Variants in TTF2 observed in about 807,000 individuals in gnomAD.
The protein encoded by TTF2 is RNA polymerase II termination factor.
In TTF2, 108 loss-of-function variants were observed where a neutral mutation model predicts 142.4. The ratio of observed to expected loss-of-function variants is 0.76; its 90% CI spans 0.65 to 0.89. TTF2 has a LOEUF of 0.89. Ranked by LOEUF, TTF2 falls within the 40% of genes least tolerant of loss-of-function variation. The probability of loss-of-function intolerance (pLI) is 0.00; values close to 1 mark genes in which losing one functional copy is unlikely to be tolerated. For synonymous variants in TTF2, 483 were observed against 506.2 expected, an observed-to-expected ratio of 0.95 and a Z score of 0.61; for missense variants, 1,327 against 1,379.8, an observed-to-expected ratio of 0.96 and a Z score of 0.61.
In TTF2 at chr1:117,090,073, A is replaced by C. The variant is rs756131561; in HGVS notation, c.2361A>C (p.Pro787=). ...YSLLKFLRCS[P]FDEFNLWRSQ... ...AAAAAAGGTTTCTCCGTTGCTCTCC[A>C]TTTGATGAGTTCAATCTGTGGAGGA... Residue 787 remains proline, a synonymous_variant, in exon 14 of 23, where the codon CCA becomes CCC. Transcript: ENST00000369466. This position sits in a 1 kb window ranked among gnomAD's most constrained non-coding sequence, Gnocchi z 4.8. The C allele has an allele frequency of 2.5e-6, 4 of 1,613,772 alleles. No individual in the cohort carries two copies. The South Asian group carries it at 4.4e-5, about 18-fold the overall frequency.
chr1:117,083,923 T>A, intron 10 of TTF2, 95 bp from the exon 11 acceptor site: 1 of 1,447,260 alleles, frequency 6.9e-7, no homozygotes, highest in Non-Finnish European at 9.4e-7. Flanking sequence ...ACAGCCTGGG[T>A]AACACAGCAA....
At position 117,101,371 on chromosome 1, in the gene TTF2, G is replaced by GT. The variant is rs1557835551; in HGVS notation, c.3345-3dup. The stretch of plus-strand genomic sequence containing the variant: ...GATAGTTTGCTTATTTTTTGTTTTT[G>GT]TTTTTTAGATTTGTTTGTGAGGGAA... On this transcript the variant is annotated splice_polypyrimidine_tract_variant and intron_variant, in intron 22 of 22. Transcript: ENST00000369466. The surrounding 1 kb of genome is among the most constrained non-coding windows in gnomAD (Gnocchi z 5.9). 8.3e-6 allele frequency: 13 copies of GT among 1,569,860 alleles called. No individual in the cohort carries two copies. The Middle Eastern group carries it at 1.0e-3, about 124-fold the overall frequency.
In TTF2 at chr1:117,105,496, C is replaced by T. The variant is rs910472796; in HGVS notation, c.*3972C>T. 6.6e-6 allele frequency: 1 copy of T among 152,288 alleles called. No individual in the cohort carries two copies. The highest frequency in any genetic ancestry group is 1.5e-5 in the Non-Finnish European group (1 of 68,118). The allele number at this position is 152,288 out of a possible 1,614,324, so 9.4% of individuals were successfully genotyped here. A position where few individuals can be genotyped will look rare whatever the true frequency, so the allele number is the denominator to read the frequency against. On this transcript the variant is annotated 3_prime_UTR_variant, in exon 23 of 23. Coordinates refer to ENST00000369466, the MANE Select transcript of TTF2 (RefSeq NM_003594.4). The surrounding 1 kb of genome is among the most constrained non-coding windows in gnomAD (Gnocchi z 4.7). The stretch of plus-strand genomic sequence containing the variant: ...ATTTGGGAGGCTGAGGCAGGCAGAT[C>T]ACTTGAGGCCAAGAGTTCGAGACCA...
chr1:117,091,436 C>T, intron 16 of TTF2, 26 bp downstream of exon 16: 1 of 1,576,458 alleles, frequency 6.3e-7, no homozygotes, highest in Non-Finnish European at 8.6e-7. Flanking sequence ...CTCATAAATA[C>T]ATATGACTGG....
At position 117,085,166 on chromosome 1, in the gene TTF2, C is replaced by G. The variant is rs1476439978; in HGVS notation, c.2054+998C>G. ...TACTAGTTGACCGATTAGAATCATT[C>G]TGAATTATACTTCTTTATATGATAG... On this transcript the variant is annotated intron_variant, in intron 11 of 22. Coordinates refer to ENST00000369466, the MANE Select transcript of TTF2 (RefSeq NM_003594.4). The surrounding 1 kb of genome is among the most constrained non-coding windows in gnomAD (Gnocchi z 4.7). Among the ~76,000 whole-genome samples, 4 of 152,190 alleles carry G rather than the reference C, an allele frequency of 2.6e-5. No homozygotes were observed. The highest frequency in any genetic ancestry group is 2.0e-4 in the Admixed American group (3 of 15,282).
rs1333813362 is a variant in TTF2 at position 117,102,587 on chromosome 1, A to G, written c.*1063A>G. 1.3e-5 allele frequency: 2 copies of G among 152,176 alleles called. No individual in the cohort carries two copies. Among genetic ancestry groups the G allele is most frequent in the Non-Finnish European group, 2.9e-5 (2 of 68,034 alleles). The allele number at this position is 152,176 out of a possible 1,614,324, so 9.4% of individuals were successfully genotyped here. ...TTGTATCGTTTAGTATTTCTATTAT[A>G]ACATTTCTATTTGTAGTATTTGTAT... On this transcript the variant is annotated 3_prime_UTR_variant, in exon 23 of 23. Coordinates refer to ENST00000369466, the MANE Select transcript of TTF2 (RefSeq NM_003594.4).
In TTF2 at chr1:117,068,574, C is replaced by CA. The variant is rs199578590; in HGVS notation, c.219-5078dup. 3.1e-3 allele frequency among the ~76,000 whole-genome samples: 461 copies of CA among 150,856 alleles called. 2 individuals are homozygous for CA. Among genetic ancestry groups the CA allele is most frequent in the African/African-American group, 0.011 (442 of 41,148 alleles). ...AAAAAAAAAGAAAAATATTCACCTC[C>CA]AAAAAAAAATTAATTGGTTGTGGTA... On this transcript the variant is annotated intron_variant, in intron 3 of 22. Coordinates refer to ENST00000369466, the MANE Select transcript of TTF2 (RefSeq NM_003594.4).
intron 3 of TTF2, among the ~76,000 whole-genome samples, chr1:117,072,718 C>T (rs1405651002): frequency 6.6e-6 from 1 of 152,052 alleles, no homozygotes; most frequent in Non-Finnish European, 1.5e-5. Context: ...CCACCGCACC[C>T]GGCCAAGATA....
rs1286973701 is a variant in TTF2, at chr1:117,075,303, C to G, written c.719C>G (p.Ser240Ter). The G allele has an allele frequency of 7.4e-6, 12 of 1,614,160 alleles. No individual in the cohort carries two copies. The highest frequency in any genetic ancestry group is 1.0e-5 in the Non-Finnish European group (12 of 1,180,030). The change falls in exon 5 of 23, where the codon TCA becomes TGA. Residue 240 changes from serine (S) to a stop codon, truncating the protein, a stop_gained. Coordinates refer to ENST00000369466, the MANE Select transcript of TTF2 (RefSeq NM_003594.4). LOFTEE classifies it high-confidence loss of function. This position sits in a 1 kb window ranked among gnomAD's most constrained non-coding sequence, Gnocchi z 4.5. Reference sequence around the variant, plus strand: ...CCATCTGCATCTTCTCAGGAGAAATCAAGTGGTAAGAGTCAAGATGTCCAA... The same window carrying G: ...CCATCTGCATCTTCTCAGGAGAAATGAAGTGGTAAGAGTCAAGATGTCCAA... ...TRPSASSQEK[S>*]SGKSQDVQRE...
rs1004782567 is a variant in TTF2, at chr1:117,104,355, G to A, written c.*2831G>A. Reference sequence around the variant, plus strand: ...ATGGTTGACCAGATAGATCAGTAATGTCAACTAGAAGGTATTAGATGAACA... The same window carrying A: ...ATGGTTGACCAGATAGATCAGTAATATCAACTAGAAGGTATTAGATGAACA... On this transcript the variant is annotated 3_prime_UTR_variant, in exon 23 of 23. Coordinates refer to ENST00000369466, the MANE Select transcript of TTF2 (RefSeq NM_003594.4). 5.3e-5 allele frequency: 8 copies of A among 152,328 alleles called. No homozygotes were observed. Among genetic ancestry groups the A allele is most frequent in the Non-Finnish European group, 5.9e-5 (4 of 68,030 alleles). 9.4% of individuals were successfully genotyped at this position (152,328 alleles called of 1,614,324 possible).
intron 10 of TTF2, chr1:117,082,215 A>G (rs1647579434): frequency 1.4e-5 from 6 of 420,256 alleles, no homozygotes; most frequent in Non-Finnish European, 2.6e-5. Flanking sequence ...TAAGCATAAT[A>G]ATAATTCTTA....
In TTF2 at chr1:117,079,773, AC is replaced by A; in HGVS notation, c.1783+125del. On this transcript the variant is annotated intron_variant, in intron 9 of 22. Coordinates refer to ENST00000369466, the MANE Select transcript of TTF2 (RefSeq NM_003594.4). The surrounding 1 kb of genome is among the most constrained non-coding windows in gnomAD (Gnocchi z 4.2). ...GGCAGGTACTATTATTCCTCATTTT[AC>A]AGATGATGAAAGTGAAGCATGGAAG... is the stretch of plus-strand genomic sequence containing the variant. 2 of 907,320 alleles carry A rather than the reference AC, an allele frequency of 2.2e-6. No homozygotes were observed. The highest frequency in any genetic ancestry group is 1.7e-6 in the Non-Finnish European group (1 of 577,076). The allele number at this position is 907,320 out of a possible 1,614,324, so 56.2% of individuals were successfully genotyped here.
In TTF2 at chr1:117,105,302, G is replaced by A. The variant is rs1220270711; in HGVS notation, c.*3778G>A. 6.6e-6 allele frequency: 1 copy of A among 152,154 alleles called. No individual in the cohort carries two copies. Among genetic ancestry groups the A allele is most frequent in the East Asian group, 1.9e-4 (1 of 5,194 alleles). 9.4% of individuals were successfully genotyped at this position (152,154 alleles called of 1,614,324 possible). A position where few individuals can be genotyped will look rare whatever the true frequency, so the allele number is the denominator to read the frequency against. The stretch of plus-strand genomic sequence containing the variant: ...CGGATTTATAAGGCATTTCTTACTC[G>A]ACAGAATTGACTTCATGGAAGGTAT... On this transcript the variant is annotated 3_prime_UTR_variant, in exon 23 of 23. Coordinates refer to ENST00000369466, the MANE Select transcript of TTF2 (RefSeq NM_003594.4). This position sits in a 1 kb window ranked among gnomAD's most constrained non-coding sequence, Gnocchi z 4.7.
chr1:117,096,028 G>C lies in TTF2; in HGVS notation c.3036-121G>C, dbSNP rs570190991. The C allele has an allele frequency of 3.8e-5, 41 of 1,081,644 alleles. No homozygotes were observed. The African/African-American group carries it at 5.1e-4, about 13-fold the overall frequency. The allele number at this position is 1,081,644 out of a possible 1,614,324, so 67.0% of individuals were successfully genotyped here. On this transcript the variant is annotated intron_variant, in intron 19 of 22. Transcript: ENST00000369466. ...TGTGTGCCTTCTCCCTTAGGTAGCA[G>C]AAGGCCTTTCCTTGTCAACATTTGA...
intron 3 of TTF2, among the ~76,000 whole-genome samples, chr1:117,066,037 G>A (rs1192502998): frequency 1.7e-5 from 2 of 116,698 alleles, no homozygotes; most frequent in Non-Finnish European, 3.2e-5. Context: ...CGGTCTCACT[G>A]TATTACCCAG....
At chr1:117,062,635 C>T (rs1032560584) in intron 3 of TTF2, among the ~76,000 whole-genome samples, 162 bp downstream of exon 3, 1 of 151,808 alleles carries the variant, frequency 6.6e-6, no homozygotes, top group Non-Finnish European at 1.5e-5. Context: ...TACCTAAATA[C>T]CAAGCAGCTA....
chr1:117,078,447 C>CATTT (rs1647201066), intron 8 of TTF2, among the ~76,000 whole-genome samples: 1 of 152,188 alleles, frequency 6.6e-6, no homozygotes, highest in East Asian at 1.9e-4. Flanking sequence ...ATAAAGGAAA[C>CATTT]ATCACTCTAG....
Position 117,094,632 on chromosome 1 carries a change from C to T in TTF2, c.2977-677C>T, listed in dbSNP as rs377415424. The T allele has an allele frequency of 7.1e-4, 341 of 482,142 alleles. 5 individuals carry two copies. Among genetic ancestry groups the T allele is most frequent in the South Asian group, 1.4e-3 (94 of 65,452 alleles). 29.9% of individuals were successfully genotyped at this position (482,142 alleles called of 1,614,324 possible). A position where few individuals can be genotyped will look rare whatever the true frequency, so the allele number is the denominator to read the frequency against. On this transcript the variant is annotated intron_variant, in intron 18 of 22. Transcript: ENST00000369466. ...GTGGGTAAAGCTCTTTCACTTTCTT[C>T]TTCAGCAAACATTAGGAGAGTATCT... is the stretch of plus-strand genomic sequence containing the variant.
intron 4 of TTF2, 87 bp from the exon 5 acceptor site, chr1:117,074,778 TATAAA>T: frequency 8.2e-7 from 1 of 1,217,784 alleles, no homozygotes; most frequent in Non-Finnish European, 1.1e-6. Flanking sequence ...ACCCCCTGTA[TATAAA>T]ATAAAAGTTG....
Sources: allele counts gnomAD v4.1 joint callset (sites outside exome capture counted in the v4.1 genomes callset), GRCh38; gene constraint gnomAD v4.1.1; non-coding constraint Gnocchi (gnomAD v3.1); transcripts MANE v1.5; gene names NCBI Gene and HGNC (gene_info 2026-07-23, HGNC 2026-07-21).